Variants in KAZN observed in about 807,000 individuals in gnomAD.
KAZN encodes the protein kazrin.
KAZN carries 40 observed loss-of-function variants against 87.4 expected under a neutral mutation model. That is an observed-to-expected ratio of 0.46 (90% CI 0.36 to 0.60). The LOEUF is 0.60. KAZN is among the 20% of genes least tolerant of loss of function. The probability of loss-of-function intolerance (pLI) is 0.00; values close to 1 mark genes in which losing one functional copy is unlikely to be tolerated. For missense variants in KAZN, 898 were observed against 1,073.9 expected (o/e 0.84, Z 2.29); for synonymous variants, 466 against 458.3 (o/e 1.02, Z -0.22).
rs143549651 is a variant in KAZN at position 13,925,100 on chromosome 1, C to T, written c.91+31344C>T. On this transcript the variant is annotated intron_variant, in intron 1 of 16. Coordinates refer to the KAZN transcript ENST00000636203. ...CCATATCCCCAGATTCCTTCCACCC[C>T]GGGCGACCACTCATCTGCTTTCTGT... Among the ~76,000 whole-genome samples, 199 of 152,290 alleles carry T rather than the reference C, an allele frequency of 1.3e-3. 2 individuals are homozygous for T. In the East Asian group the frequency reaches 0.031, roughly 24 times the overall value.
chr1:15,034,995 G>C (rs1424519509), intron 3 of KAZN, 110 bp downstream of exon 3: 3 of 1,374,752 alleles, frequency 2.2e-6, no homozygotes, highest in Non-Finnish European at 2.0e-6. Flanking sequence ...AACACAGATA[G>C]GGAGGCCCTT....
chr1:14,478,566 T>G (rs1668900650), intron 2 of KAZN, among the ~76,000 whole-genome samples: 1 of 152,194 alleles, frequency 6.6e-6, no homozygotes, highest in South Asian at 2.1e-4. Flanking sequence ...ATCATCATTT[T>G]TCTTAATATT....
At chr1:14,327,069 C>T (rs190901406) in intron 2 of KAZN, among the ~76,000 whole-genome samples, 89 of 152,288 alleles carry the variant, frequency 5.8e-4, no homozygotes, top group Admixed American at 1.8e-3. Flanking sequence ...GAACAGTTAG[C>T]ACTTTGTAAA....
chr1:15,054,655 A>G (rs1008100024), intron 4 of KAZN, among the ~76,000 whole-genome samples: 5 of 149,420 alleles, frequency 3.3e-5, no homozygotes, highest in African/African-American at 5.1e-5. Flanking sequence ...CCATCTCAAA[A>G]AAAAAAAAAA....
intron 4 of KAZN, among the ~76,000 whole-genome samples, chr1:15,047,822 G>A (rs1212679279): frequency 6.6e-6 from 1 of 152,128 alleles, no homozygotes; most frequent in Non-Finnish European, 1.5e-5. Flanking sequence ...GGCCCGGGGG[G>A]ATGGTGCACT....
chr1:14,035,768 C>T (rs1031238337), intron 1 of KAZN, among the ~76,000 whole-genome samples: 4 of 152,042 alleles, frequency 2.6e-5, no homozygotes, highest in African/African-American at 9.7e-5. Flanking sequence ...AGCCACCATA[C>T]CTTGCCTGTT....
intron 1 of KAZN, among the ~76,000 whole-genome samples, chr1:14,720,029 T>C (rs1643012974): frequency 6.6e-6 from 1 of 152,102 alleles, no homozygotes; most frequent in Admixed American, 6.6e-5. Flanking sequence ...AGCCACCTTC[T>C]CCACCCTGTG....
At chr1:13,997,517 G>C (rs529612350) in intron 1 of KAZN, among the ~76,000 whole-genome samples, 1 of 152,016 alleles carries the variant, frequency 6.6e-6, no homozygotes, top group Non-Finnish European at 1.5e-5. Flanking sequence ...GTTTTGAAAG[G>C]AGCATAAATG....
intron 1 of KAZN, among the ~76,000 whole-genome samples, chr1:14,678,395 C>T (rs1031372291): frequency 6.6e-6 from 1 of 152,182 alleles, no homozygotes; most frequent in Non-Finnish European, 1.5e-5. Context: ...GCGAGGGGCT[C>T]TCGGGCCTTT....
intron 1 of KAZN, among the ~76,000 whole-genome samples, chr1:14,883,343 A>AGGGAGGGAGGGAGGGAGGGAGGG: frequency 6.0e-5 from 2 of 33,314 alleles, no homozygotes; most frequent in African/African-American, 7.8e-5. Context: ...AGAGAGAGAG[A>AGGGAGGGAGGGAGGGAGGGAGGG]AAGAAAGAAA....
chr1:14,789,660 T>C (rs527618407), intron 1 of KAZN, among the ~76,000 whole-genome samples: 4 of 147,706 alleles, frequency 2.7e-5, no homozygotes, highest in African/African-American at 1.0e-4. Context: ...AGCACCTCCC[T>C]CCTGCCTATG....
chr1:14,618,176 G>C (rs1035851384), intron 1 of KAZN, among the ~76,000 whole-genome samples: 1 of 152,216 alleles, frequency 6.6e-6, no homozygotes, highest in Non-Finnish European at 1.5e-5. Context: ...AGTTTGTAAG[G>C]TGTGTCCCAT....
chr1:13,952,458 G>T (rs1451827531), intron 1 of KAZN, among the ~76,000 whole-genome samples: 1 of 152,038 alleles, frequency 6.6e-6, no homozygotes, highest in Non-Finnish European at 1.5e-5. Flanking sequence ...CAATTGGCCT[G>T]GGAGGCTCAG....
chr1:15,039,467 C>T (rs1168092563), intron 3 of KAZN, among the ~76,000 whole-genome samples: 6 of 152,094 alleles, frequency 3.9e-5, no homozygotes, highest in African/African-American at 1.2e-4. Flanking sequence ...CAAGGCCGAC[C>T]ACAGAGAGGA....
intron 1 of KAZN, among the ~76,000 whole-genome samples, chr1:13,908,635 G>A (rs1033784379): frequency 2.0e-5 from 3 of 152,252 alleles, no homozygotes; most frequent in African/African-American, 7.2e-5. Context: ...TCTTGGGAAG[G>A]CATTGATCAC....
In KAZN at chr1:14,927,081, G is replaced by A. The variant is rs565678590; in HGVS notation, c.227-33603G>A. Among the ~76,000 whole-genome samples, 6 of 152,266 alleles carry A rather than the reference G, an allele frequency of 3.9e-5. No individual in the cohort carries two copies. The South Asian group carries it at 1.0e-3, about 26-fold the overall frequency. On this transcript the variant is annotated intron_variant, in intron 1 of 14. Transcript: ENST00000376030. ...CAGACAGTGGATGTTTGCACAATCC[G>A]CACCTGCTTCTGCCTCGATTGCGTT...
chr1:14,683,936 A>G (rs781255773), intron 1 of KAZN, among the ~76,000 whole-genome samples: 1 of 152,196 alleles, frequency 6.6e-6, no homozygotes, highest in South Asian at 2.1e-4. Flanking sequence ...TTCAGCAGCA[A>G]TTCCATTTTT....
intron 2 of KAZN, among the ~76,000 whole-genome samples, chr1:14,987,181 T>A (rs1238234042): frequency 6.6e-6 from 1 of 152,042 alleles, no homozygotes; most frequent in East Asian, 1.9e-4. Flanking sequence ...GTAGGGCTGC[T>A]TTGCACACGA....
intron 2 of KAZN, among the ~76,000 whole-genome samples, chr1:14,555,916 T>C (rs2148518980): frequency 6.6e-6 from 1 of 152,288 alleles, no homozygotes; most frequent in East Asian, 1.9e-4. Context: ...CAACTTGCCT[T>C]GAAATCAAGA....
Sources: gnomAD v4.1 joint callset for allele counts (sites outside exome capture counted in the v4.1 genomes callset) on GRCh38, gnomAD v4.1.1 for gene constraint, MANE v1.5 for transcripts, NCBI Gene and HGNC (gene_info 2026-07-23, HGNC 2026-07-21) for gene names.